The following RBP7 variants were observed in gnomAD, a reference collection of about 807,000 sequenced individuals.
RBP7 encodes retinol binding protein 7.
A neutral mutation model predicts 16.7 loss-of-function variants in RBP7; 13 were observed. The ratio of observed to expected loss-of-function variants is 0.78; its 90% CI spans 0.51 to 1.24. The LOEUF (loss-of-function observed/expected upper bound fraction) is 1.24. Among genes scored for constraint, RBP7 ranks in the 50% most tolerant of loss-of-function variants. The probability of loss-of-function intolerance (pLI) is 0.00; values close to 1 mark genes in which losing one functional copy is unlikely to be tolerated. For missense variants in RBP7, 145 were observed against 159.5 expected (o/e 0.91, Z 0.49); for synonymous variants, 54 against 56.2 (o/e 0.96, Z 0.17).
intron 3 of RBP7, among the ~76,000 whole-genome samples, chr1:10,012,390 A>G (rs916479613): frequency 6.6e-6 from 1 of 152,024 alleles, no homozygotes; most frequent in Middle Eastern, 3.2e-3. Context: ...CCAAAAAAAA[A>G]AACAAAGTAA....
chr1:9,998,560 C>A (rs1355744540), intron 1 of RBP7, among the ~76,000 whole-genome samples: 1 of 152,026 alleles, frequency 6.6e-6, no homozygotes, highest in South Asian at 2.1e-4. Context: ...AGGCGCCCGC[C>A]ACCACGCCCA....
In RBP7 at chr1:10,015,804, T is replaced by C; in HGVS notation, c.377T>C (p.Val126Ala). 6.2e-7 allele frequency: 1 copy of C among 1,614,196 alleles called. No individual in the cohort carries two copies. The highest frequency in any genetic ancestry group is 1.3e-5 in the African/African-American group (1 of 75,074). ...LHLEMFCEGQ[V>A]CKQTFQRA The stretch of plus-strand genomic sequence containing the variant: ...TAGGAAATGTTCTGTGAAGGTCAAG[T>C]GTGCAAACAGACATTCCAGAGAGCC... The change falls in exon 4 of 4, where the codon GTG (valine) becomes GCG (alanine). Residue 126 changes from valine (V) to alanine (A), a missense_variant. Transcript: ENST00000294435.
At chr1:10,001,014 G>A (rs1436317521) in intron 1 of RBP7, among the ~76,000 whole-genome samples, 1 of 152,176 alleles carries the variant, frequency 6.6e-6, no homozygotes, top group Non-Finnish European at 1.5e-5. Context: ...GATTACAGGC[G>A]TGAGCTACCG....
intron 3 of RBP7, among the ~76,000 whole-genome samples, chr1:10,012,974 G>A (rs183011509): frequency 3.5e-4 from 51 of 146,652 alleles, no homozygotes; most frequent in African/African-American, 1.2e-3. Flanking sequence ...AATACCAAAT[G>A]TGTACATCCT....
intron 2 of RBP7, 34 bp from the exon 3 acceptor site, chr1:10,008,139 G>C: frequency 7.2e-7 from 1 of 1,390,298 alleles, no homozygotes; most frequent in Non-Finnish European, 1.0e-6. Context: ...GATCCTGCCA[G>C]GACAAGCTAA....
At chr1:10,013,819 A>T (rs989621796) in intron 3 of RBP7, among the ~76,000 whole-genome samples, 3 of 151,578 alleles carry the variant, frequency 2.0e-5, no homozygotes, top group Non-Finnish European at 4.4e-5. Context: ...GCAAAAAATT[A>T]AAAAAAATTA....
At chr1:9,999,600 AG>A (rs1642229516) in intron 1 of RBP7, among the ~76,000 whole-genome samples, 1 of 152,098 alleles carries the variant, frequency 6.6e-6, no homozygotes, top group Non-Finnish European at 1.5e-5. Context: ...TGTCTTTATC[AG>A]CAGCGTGAAA....
At chr1:10,015,678 A>C in intron 3 of RBP7, 104 bp from the exon 4 acceptor site, 1 of 1,002,612 alleles carries the variant, frequency 1.0e-6, no homozygotes, top group South Asian at 1.4e-5. Context: ...AGAAAAAAAC[A>C]TGTTCCAGAA....
intron 1 of RBP7, among the ~76,000 whole-genome samples, chr1:10,000,469 G>C (rs958933303): frequency 3.9e-5 from 6 of 151,914 alleles, no homozygotes; most frequent in African/African-American, 1.4e-4. Context: ...GAGAGGTGGA[G>C]GTTGCAGTGA....
At chr1:9,998,407 C>CTTTTTTTTTTTTTT (rs772810621) in intron 1 of RBP7, among the ~76,000 whole-genome samples, 2 of 121,588 alleles carry the variant, frequency 1.6e-5, no homozygotes, top group African/African-American at 3.3e-5. Flanking sequence ...TTCTTTCTTT[C>CTTTTTTTTTTTTTT]TTTTTTTTTT....
chr1:9,997,271 C>A lies in RBP7; in HGVS notation c.13C>A (p.Leu5Ile), dbSNP rs756852294. The change falls in exon 1 of 4, where the codon CTC (leucine) becomes ATC (isoleucine). Residue 5 changes from leucine to isoleucine, a missense_variant. Coordinates refer to ENST00000294435, the MANE Select transcript of RBP7 (RefSeq NM_052960.3). The surrounding 1 kb of genome is among the most constrained non-coding windows in gnomAD (Gnocchi z 5.9). ...GCGATCCCCGACCATGCCCGCCGACCTCAGCGGTACTTGGACCCTGCTCAG... is the reference window on the plus strand; with the variant it reads ...GCGATCCCCGACCATGCCCGCCGACATCAGCGGTACTTGGACCCTGCTCAG... MPAD[L>I]SGTWTLLSSD... 3.1e-6 allele frequency: 5 copies of A among 1,610,262 alleles called. No individual in the cohort carries two copies. Among genetic ancestry groups the A allele is most frequent in the Non-Finnish European group, 4.2e-6 (5 of 1,178,884 alleles).
chr1:9,998,529 T>C (rs1425439823), intron 1 of RBP7, among the ~76,000 whole-genome samples: 1 of 148,578 alleles, frequency 6.7e-6, no homozygotes, highest in East Asian at 2.1e-4. Context: ...TGCCTCAGCC[T>C]CTCCGAGTAG....
chr1:10,011,335 G>A (rs1642610724), intron 3 of RBP7, among the ~76,000 whole-genome samples: 1 of 152,110 alleles, frequency 6.6e-6, no homozygotes, highest in African/African-American at 2.4e-5. Context: ...AAGATCAACA[G>A]TAGAGGGAAG....
rs936844926 is a variant in RBP7 at position 10,015,916 on chromosome 1, A to G, written c.*84A>G. On this transcript the variant is annotated 3_prime_UTR_variant, in exon 4 of 4. Coordinates refer to ENST00000294435, the MANE Select transcript of RBP7 (RefSeq NM_052960.3). ...GACTGAACAGACGTTTATCTATCCCATTTGGCGACGAGGACTCGTGGCTGG... is the reference window on the plus strand; with the variant it reads ...GACTGAACAGACGTTTATCTATCCCGTTTGGCGACGAGGACTCGTGGCTGG... 3.0e-6 allele frequency: 4 copies of G among 1,345,446 alleles called. No homozygotes were observed. In the African/African-American group the frequency reaches 4.3e-5, roughly 14 times the overall value. The allele number at this position is 1,345,446 out of a possible 1,614,324, so 83.3% of individuals were successfully genotyped here.
Position 10,007,610 on chromosome 1 carries a change from G to A in RBP7, c.114G>A (p.Lys38=), listed in dbSNP as rs1024374895. The stretch of plus-strand genomic sequence containing the variant: ...CTCGTAAAATAGCCAAGTTGCTGAA[G>A]CCACAGAAAGTGATTGAGCAGAATG... ...FATRKIAKLL[K]PQKVIEQNGD... Residue 38 remains lysine (K), a synonymous_variant, in exon 2 of 4, where the codon AAG becomes AAA. Transcript: ENST00000294435. 12 of 1,613,148 alleles carry A rather than the reference G, an allele frequency of 7.4e-6. 1 individual carries two copies. The African/African-American group carries it at 1.2e-4, about 16-fold the overall frequency.
chr1:10,001,358 T>G (rs1472146069), intron 1 of RBP7, among the ~76,000 whole-genome samples: 1 of 152,184 alleles, frequency 6.6e-6, no homozygotes, highest in Non-Finnish European at 1.5e-5. Context: ...CAGGCTGTAG[T>G]GCAGTGGTGC....
At chr1:10,001,956 G>A (rs1391913958) in intron 1 of RBP7, among the ~76,000 whole-genome samples, 2 of 152,048 alleles carry the variant, frequency 1.3e-5, no homozygotes, top group East Asian at 1.9e-4. Flanking sequence ...AGCCTCCCAA[G>A]TAGCTGGGAT....
At chr1:10,010,583 ATTT>A (rs144226167) in intron 3 of RBP7, among the ~76,000 whole-genome samples, 3 of 132,414 alleles carry the variant, frequency 2.3e-5, no homozygotes, top group Non-Finnish European at 1.6e-5. Context: ...TGCCCAGCTA[ATTT>A]TTTTTTTTTT....
At chr1:10,004,463 C>A (rs1433452115) in intron 1 of RBP7, among the ~76,000 whole-genome samples, 1 of 151,240 alleles carries the variant, frequency 6.6e-6, no homozygotes, top group African/African-American at 2.4e-5. Flanking sequence ...TCAACCTCTG[C>A]CTCCCAGGTT....
Sources: allele counts gnomAD v4.1 joint callset (sites outside exome capture counted in the v4.1 genomes callset), GRCh38; gene constraint gnomAD v4.1.1; non-coding constraint Gnocchi (gnomAD v3.1); transcripts MANE v1.5; gene names NCBI Gene and HGNC (gene_info 2026-07-23, HGNC 2026-07-21).